Variants in TMEM132D observed in about 807,000 individuals in gnomAD.
TMEM132D encodes the protein mature OL transmembrane protein.
In TMEM132D, 21 loss-of-function variants were observed where a neutral mutation model predicts 62.3. The observed-to-expected ratio is 0.34, with a 90% CI of 0.24 to 0.49. The LOEUF (loss-of-function observed/expected upper bound fraction) is 0.49. TMEM132D is among the 20% of genes least tolerant of loss of function. The probability of loss-of-function intolerance (pLI) is 0.99; values close to 1 mark genes in which losing one functional copy is unlikely to be tolerated. For missense variants in TMEM132D, 1,346 were observed against 1,402.8 expected (o/e 0.96, Z 0.65); for synonymous variants, 621 against 575.6 (o/e 1.08, Z -1.13).
At chr12:129,721,253 C>T (rs1443757803) in intron 1 of TMEM132D, among the ~76,000 whole-genome samples, 1 of 152,122 alleles carries the variant, frequency 6.6e-6, no homozygotes, top group Non-Finnish European at 1.5e-5. Context: ...CCCGGTGTTC[C>T]CTCTCATCAC....
intron 5 of TMEM132D, among the ~76,000 whole-genome samples, chr12:129,115,317 G>A (rs548017242): frequency 1.1e-4 from 16 of 152,286 alleles, no homozygotes; most frequent in Admixed American, 2.0e-4. Context: ...CCTCCTGGAC[G>A]ATGCAATTCA....
At chr12:129,699,723 A>G in intron 2 of TMEM132D, 87 bp downstream of exon 2, 1 of 1,531,338 alleles carries the variant, frequency 6.5e-7, no homozygotes, top group Non-Finnish European at 8.9e-7. Flanking sequence ...TCGGTGAGCG[A>G]TAACACAGCT....
chr12:129,143,002 CAGA>C (rs1349311804), intron 5 of TMEM132D, among the ~76,000 whole-genome samples: 3 of 152,066 alleles, frequency 2.0e-5, no homozygotes, highest in African/African-American at 7.2e-5. Flanking sequence ...AGCATCAACA[CAGA>C]AGATGTTGTT....
chr12:129,331,038 T>C (rs1158243430), intron 4 of TMEM132D, among the ~76,000 whole-genome samples: 1 of 152,054 alleles, frequency 6.6e-6, no homozygotes, highest in South Asian at 2.1e-4. Context: ...AAGGAAAACA[T>C]GGGTGCACAG....
chr12:129,788,698 T>C (rs1871311362), intron 1 of TMEM132D, among the ~76,000 whole-genome samples: 1 of 152,130 alleles, frequency 6.6e-6, no homozygotes, highest in Non-Finnish European at 1.5e-5. Flanking sequence ...TGAGCATAAA[T>C]TCGTGCCAGA....
chr12:129,730,705 C>T (rs2137251734), intron 1 of TMEM132D, among the ~76,000 whole-genome samples: 1 of 152,050 alleles, frequency 6.6e-6, no homozygotes, highest in East Asian at 1.9e-4. Context: ...TCTCGGTGGG[C>T]ACCATCTAAT....
intron 5 of TMEM132D, among the ~76,000 whole-genome samples, chr12:129,157,228 T>C (rs1003900692): frequency 6.6e-6 from 1 of 152,228 alleles, no homozygotes; most frequent in Non-Finnish European, 1.5e-5. Flanking sequence ...CTGGAGATAA[T>C]GGCATTAGTC....
chr12:129,542,995 A>C (rs1876624175), intron 2 of TMEM132D, among the ~76,000 whole-genome samples: 1 of 151,796 alleles, frequency 6.6e-6, no homozygotes. Context: ...ATGTTTGTGT[A>C]CTCCATGATG....
intron 3 of TMEM132D, among the ~76,000 whole-genome samples, chr12:129,454,489 C>T (rs143742581): frequency 1.2e-3 from 180 of 152,196 alleles, no homozygotes; most frequent in Non-Finnish European, 1.8e-3. Flanking sequence ...ATTTTTCTTC[C>T]AGTTGGGGGA....
At chr12:129,895,112 C>T (rs896601919) in intron 1 of TMEM132D, among the ~76,000 whole-genome samples, 1 of 152,174 alleles carries the variant, frequency 6.6e-6, no homozygotes, top group Non-Finnish European at 1.5e-5. Flanking sequence ...TTGGAACGTG[C>T]TCAAGGTTCA....
At chr12:129,536,884 C>T (rs570893675) in intron 2 of TMEM132D, among the ~76,000 whole-genome samples, 311 of 152,218 alleles carry the variant, frequency 2.0e-3, no homozygotes, top group African/African-American at 6.0e-3. Flanking sequence ...CGGCCGGGCG[C>T]GGTAGCTCAC....
At chr12:129,076,042 G>GT (rs746992856) in intron 8 of TMEM132D, among the ~76,000 whole-genome samples, 543 of 152,114 alleles carry the variant, frequency 3.6e-3, no homozygotes, top group Non-Finnish European at 6.4e-3. Flanking sequence ...TGAGACAGCT[G>GT]CTGCCATTAG....
intron 2 of TMEM132D, among the ~76,000 whole-genome samples, chr12:129,673,863 G>T (rs914444661): frequency 2.0e-5 from 3 of 152,164 alleles, no homozygotes; most frequent in Non-Finnish European, 2.9e-5. Flanking sequence ...CTATAAAATG[G>T]ATGTTAACTA....
rs541454507 is a variant in TMEM132D at position 129,230,924 on chromosome 12, G to A, written c.1300-21261C>T. Among the ~76,000 whole-genome samples, 7 of 152,314 alleles carry A rather than the reference G, an allele frequency of 4.6e-5. No homozygotes were observed. The East Asian group carries it at 9.6e-4, about 21-fold the overall frequency. On this transcript the variant is annotated intron_variant, in intron 4 of 8. Coordinates refer to ENST00000422113, the MANE Select transcript of TMEM132D (RefSeq NM_133448.3). ...GGGTTAGCACTGTGCTCAATGTACT[G>A]CAAACCTGCCAGCCACTTCCCTCCA... is the stretch of plus-strand genomic sequence containing the variant.
chr12:129,403,168 C>A (rs1871670413), intron 3 of TMEM132D, among the ~76,000 whole-genome samples: 1 of 151,036 alleles, frequency 6.6e-6, no homozygotes, highest in Non-Finnish European at 1.5e-5. Context: ...CAACTCAGTG[C>A]CCAGAGGAAA....
chr12:129,215,812 G>C lies in TMEM132D; in HGVS notation c.1300-6149C>G, dbSNP rs138146534. On this transcript the variant is annotated intron_variant, in intron 4 of 8. Transcript: ENST00000422113. ...GGGAGGCCTCACAGTCATGGCGGAA[G>C]GTGAGGGAAGAACAAAGGCATGTCT... 8.9e-4 allele frequency among the ~76,000 whole-genome samples: 136 copies of C among 152,304 alleles called. 1 individual carries two copies. In the East Asian group the frequency reaches 0.025, roughly 28 times the overall value.
chr12:129,180,530 G>A (rs912193142), intron 5 of TMEM132D, among the ~76,000 whole-genome samples: 4 of 152,172 alleles, frequency 2.6e-5, no homozygotes, highest in Admixed American at 6.5e-5. Flanking sequence ...TGATGAATAC[G>A]AGACAGACAC....
chr12:129,713,245 G>C (rs1868445511), intron 1 of TMEM132D, among the ~76,000 whole-genome samples: 1 of 152,118 alleles, frequency 6.6e-6, no homozygotes, highest in African/African-American at 2.4e-5. Context: ...AGTCTGATAT[G>C]TGCTCAAGTG....
chr12:129,353,845 A>C (rs1163156886), intron 3 of TMEM132D, among the ~76,000 whole-genome samples: 1 of 151,224 alleles, frequency 6.6e-6, no homozygotes, highest in Non-Finnish European at 1.5e-5. Flanking sequence ...TACAGCTCAA[A>C]CACCTCCTGA....
Sources: allele counts gnomAD v4.1 joint callset (sites outside exome capture counted in the v4.1 genomes callset), GRCh38; gene constraint gnomAD v4.1.1; transcripts MANE v1.5; gene names NCBI Gene and HGNC (gene_info 2026-07-23, HGNC 2026-07-21).